ANK3: variants seen among roughly 807,000 people sequenced by gnomAD.
The protein encoded by ANK3 is ankyrin 3, also known as ankyrin-3.
In ANK3, 57 loss-of-function variants were observed where a neutral mutation model predicts 370.9. The observed-to-expected ratio is 0.15, with a 90% CI of 0.12 to 0.19. The LOEUF is 0.19. ANK3 is among the 10% of genes least tolerant of loss of function. The pLI, the probability that ANK3 is intolerant of heterozygous loss-of-function variation, is 1.00. For synonymous variants in ANK3, 1,929 were observed against 1,946.3 expected (o/e 0.99, Z 0.23); for missense variants, 4,439 against 5,302.1 (o/e 0.84, Z 5.06).
intron 32 of ANK3, 90 bp from the exon 33 acceptor site, chr10:60,083,707 G>C: frequency 1.8e-6 from 2 of 1,100,182 alleles, no homozygotes; most frequent in Admixed American, 4.8e-5. Context: ...AAAGACTGAC[G>C]TTACTATGTT....
chr10:60,671,271 C>T (rs1308335569), intron 1 of ANK3, among the ~76,000 whole-genome samples: 1 of 152,198 alleles, frequency 6.6e-6, no homozygotes, highest in Non-Finnish European at 1.5e-5. Flanking sequence ...TACTACATTT[C>T]AGTCACCTTG....
chr10:60,126,960 C>T (rs1210911946), intron 25 of ANK3, among the ~76,000 whole-genome samples: 3 of 152,142 alleles, frequency 2.0e-5, no homozygotes, highest in African/African-American at 7.2e-5. Flanking sequence ...TAAGATACTC[C>T]CTTTCCAGGG....
chr10:60,305,037 G>A (rs1253793270), intron 1 of ANK3, among the ~76,000 whole-genome samples: 1 of 152,192 alleles, frequency 6.6e-6, no homozygotes, highest in Non-Finnish European at 1.5e-5. Context: ...GTGGGTGGGG[G>A]AGATAGTCAG....
chr10:60,630,116 T>G (rs1452540724), intron 1 of ANK3, among the ~76,000 whole-genome samples: 1 of 152,176 alleles, frequency 6.6e-6, no homozygotes, highest in East Asian at 1.9e-4. Context: ...TACCAGCATA[T>G]GAATTTGCAT....
In ANK3 at chr10:60,495,573, G is replaced by A. The variant is rs533466443; in HGVS notation, c.96+119613C>T. Among the ~76,000 whole-genome samples, 3 of 152,146 alleles carry A rather than the reference G, an allele frequency of 2.0e-5. No individual in the cohort carries two copies. In the South Asian group the frequency reaches 6.2e-4, roughly 32 times the overall value. ...GCTTAATTGCTCATTGTGCACAAGG[G>A]GGCTCCAGCAAAAAGCCAATAGTCT... On this transcript the variant is annotated intron_variant, in intron 2 of 43. Coordinates refer to the ANK3 transcript ENST00000373827.
chr10:60,106,201 T>C lies in ANK3; in HGVS notation c.3174-142A>G, dbSNP rs1289401259. The C allele has an allele frequency of 5.4e-6, 4 of 734,372 alleles. No homozygotes were observed. In the South Asian group the frequency reaches 8.5e-5, roughly 16 times the overall value. 45.5% of individuals were successfully genotyped at this position (734,372 alleles called of 1,614,324 possible). On this transcript the variant is annotated intron_variant, in intron 27 of 43. Transcript: ENST00000280772. ...GAATGATTTCAAAGCTGCAGAATCA[T>C]TTGCTAATTAAAGAATATTTTCGAA...
At chr10:60,627,726 C>T (rs2078431179) in intron 1 of ANK3, among the ~76,000 whole-genome samples, 1 of 152,118 alleles carries the variant, frequency 6.6e-6, no homozygotes, top group African/African-American at 2.4e-5. Flanking sequence ...CTCTGAACCC[C>T]AAACTTCCTA....
chr10:60,443,378 G>C (rs2064350275), intron 2 of ANK3, among the ~76,000 whole-genome samples: 1 of 151,960 alleles, frequency 6.6e-6, no homozygotes, highest in South Asian at 2.1e-4. Flanking sequence ...TCATAATCTA[G>C]ATGAAAAGCT....
chr10:60,194,115 C>T (rs368396644), intron 16 of ANK3, among the ~76,000 whole-genome samples: 7 of 150,968 alleles, frequency 4.6e-5, no homozygotes, highest in South Asian at 2.1e-4. Flanking sequence ...AGCGAGACTC[C>T]GTCTCAAAAA....
chr10:60,153,385 A>G (rs1372322241), intron 23 of ANK3, among the ~76,000 whole-genome samples: 2 of 152,038 alleles, frequency 1.3e-5, no homozygotes, highest in Non-Finnish European at 2.9e-5. Flanking sequence ...GAAAATGGAG[A>G]TGGAGAAGAG....
chr10:60,675,032 C>A (rs1428842246), intron 1 of ANK3, among the ~76,000 whole-genome samples: 2 of 152,118 alleles, frequency 1.3e-5, no homozygotes, highest in East Asian at 3.9e-4. Flanking sequence ...TTGCAAGTAG[C>A]AATTTATTTG....
At chr10:60,295,417 T>G (rs2042284483) in intron 1 of ANK3, among the ~76,000 whole-genome samples, 2 of 152,210 alleles carry the variant, frequency 1.3e-5, no homozygotes, top group African/African-American at 4.8e-5. Flanking sequence ...TGGCACACAG[T>G]TGGTCCCCAA....
At chr10:60,659,153 C>G (rs573413489) in intron 1 of ANK3, among the ~76,000 whole-genome samples, 8 of 152,102 alleles carry the variant, frequency 5.3e-5, no homozygotes, top group Admixed American at 2.0e-4. Flanking sequence ...TCTTTGTGAT[C>G]TTGAGTTATG....
At chr10:60,687,534 A>AC (rs149335588) in intron 1 of ANK3, among the ~76,000 whole-genome samples, 51,946 of 149,202 alleles carry the variant, frequency 0.35, 9,025 homozygotes, top group Non-Finnish European at 0.37. Flanking sequence ...GTATAAAAAA[A>AC]AACACACACA....
intron 28 of ANK3, among the ~76,000 whole-genome samples, chr10:60,089,800 GT>G (rs1268261450): frequency 6.6e-6 from 1 of 151,702 alleles, no homozygotes; most frequent in Non-Finnish European, 1.5e-5. Flanking sequence ...GTTTAAATAT[GT>G]ATACTGAATA....
intron 2 of ANK3, among the ~76,000 whole-genome samples, chr10:60,469,795 A>G (rs545935965): frequency 6.6e-6 from 1 of 150,538 alleles, no homozygotes; most frequent in South Asian, 2.1e-4. Flanking sequence ...AAGACTGGCT[A>G]TCAACACATT....
At chr10:60,513,869 GGAGT>G (rs1318456260) in intron 2 of ANK3, among the ~76,000 whole-genome samples, 3 of 152,062 alleles carry the variant, frequency 2.0e-5, no homozygotes, top group Non-Finnish European at 2.9e-5. Flanking sequence ...GCGTTTGCAC[GGAGT>G]GAGTCCACTT....
intron 7 of ANK3, among the ~76,000 whole-genome samples, chr10:60,249,710 C>T (rs2097616168): frequency 6.6e-6 from 1 of 152,168 alleles, no homozygotes; most frequent in South Asian, 2.1e-4. Flanking sequence ...CACACATGTC[C>T]TAAGGAGCTG....
intron 25 of ANK3, among the ~76,000 whole-genome samples, chr10:60,128,542 G>A (rs1001831780): frequency 6.6e-6 from 1 of 151,872 alleles, no homozygotes; most frequent in Non-Finnish European, 1.5e-5. Flanking sequence ...ACTACCACTC[G>A]GCTAATTTTT....
Sources: allele counts gnomAD v4.1 joint callset (sites outside exome capture counted in the v4.1 genomes callset), GRCh38; gene constraint gnomAD v4.1.1; transcripts MANE v1.5; gene names NCBI Gene and HGNC (gene_info 2026-07-23, HGNC 2026-07-21).